The following TMEM178A variants were observed in gnomAD, a reference collection of about 807,000 sequenced individuals.
The protein encoded by TMEM178A is transmembrane protein 178.
TMEM178A carries 12 observed loss-of-function variants against 29.1 expected under a neutral mutation model. That is an observed-to-expected ratio of 0.41 (90% CI 0.26 to 0.67). TMEM178A has a LOEUF of 0.67. Ranked by LOEUF, TMEM178A falls within the 30% of genes least tolerant of loss-of-function variation. The pLI is 0.29. For synonymous variants in TMEM178A, 210 were observed against 187.2 expected, an observed-to-expected ratio of 1.12 and a Z score of -0.99; for missense variants, 366 against 419.1, an observed-to-expected ratio of 0.87 and a Z score of 1.11.
In TMEM178A at chr2:39,669,696, A is replaced by G. The variant is rs527775360; in HGVS notation, c.400+3322A>G. ...CCTTTGCTATTCTACCAGACTGACA[A>G]ATAAAACAAAATATTTGCCAGCATA... On this transcript the variant is annotated intron_variant, in intron 1 of 3. Coordinates refer to ENST00000281961, the MANE Select transcript of TMEM178A (RefSeq NM_152390.3). Among the ~76,000 whole-genome samples the G allele has an allele frequency of 3.3e-5, 5 of 152,338 alleles. No homozygotes were observed. In the South Asian group the frequency reaches 1.0e-3, roughly 32 times the overall value.
chr2:39,735,419 T>C, the TMEM178A span, among the ~76,000 whole-genome samples: 3 of 152,244 alleles, frequency 2.0e-5, no homozygotes, highest in African/African-American at 2.4e-5. Context: ...CAAAAGCAGA[T>C]AGCCCGCCTC....
At chr2:39,702,431 C>T (rs779567779) in intron 1 of TMEM178A, among the ~76,000 whole-genome samples, 20 of 152,226 alleles carry the variant, frequency 1.3e-4, no homozygotes, top group Non-Finnish European at 1.3e-4. Context: ...TCACTTCCTG[C>T]TTACAGAGCC....
the TMEM178A span, among the ~76,000 whole-genome samples, chr2:39,724,863 C>T: frequency 6.6e-6 from 1 of 152,202 alleles, no homozygotes; most frequent in African/African-American, 2.4e-5. Context: ...ATCTATATTC[C>T]TGCAAACATG....
At chr2:39,702,071 CT>C (rs201458206) in intron 1 of TMEM178A, among the ~76,000 whole-genome samples, 147 of 148,468 alleles carry the variant, frequency 9.9e-4, no homozygotes, top group African/African-American at 3.2e-3. Flanking sequence ...CTATTGACTG[CT>C]TTTTTTTTTC....
the TMEM178A span, among the ~76,000 whole-genome samples, chr2:39,726,602 T>G: frequency 6.6e-6 from 1 of 152,156 alleles, no homozygotes; most frequent in African/African-American, 2.4e-5. Context: ...TTTGGCCCAG[T>G]GAATGAATTG....
At chr2:39,672,141 T>C (rs1209581608) in intron 1 of TMEM178A, among the ~76,000 whole-genome samples, 1 of 152,238 alleles carries the variant, frequency 6.6e-6, no homozygotes, top group Non-Finnish European at 1.5e-5. Flanking sequence ...GCTAACATCA[T>C]GAAGGTTATC....
At chr2:39,704,819 A>T (rs1288974367) in intron 2 of TMEM178A, among the ~76,000 whole-genome samples, 1 of 152,138 alleles carries the variant, frequency 6.6e-6, no homozygotes, top group African/African-American at 2.4e-5. Flanking sequence ...ACTACTGTGA[A>T]TTTTTTTGGT....
the TMEM178A span, among the ~76,000 whole-genome samples, chr2:39,730,557 T>G: frequency 6.6e-5 from 10 of 152,182 alleles, no homozygotes; most frequent in Admixed American, 2.6e-4. Context: ...GAAAGCTCCT[T>G]TCTCATGGTT....
In TMEM178A at chr2:39,717,416, G is replaced by A; in HGVS notation, c.*165G>A. 1.0e-6 allele frequency: 1 copy of A among 985,360 alleles called. No individual in the cohort carries two copies. The highest frequency in any genetic ancestry group is 1.9e-5 in the South Asian group (1 of 51,762). 61.0% of individuals were successfully genotyped at this position (985,360 alleles called of 1,614,324 possible). A position where few individuals can be genotyped will look rare whatever the true frequency, so the allele number is the denominator to read the frequency against. On this transcript the variant is annotated 3_prime_UTR_variant, in exon 4 of 4. Coordinates refer to ENST00000281961, the MANE Select transcript of TMEM178A (RefSeq NM_152390.3). ...TGCAAAACCTCCCAACCTTTCTAAG[G>A]ACAAGACTACTGTGGATTCAAGTGC...
Position 39,699,936 on chromosome 2 carries a change from C to T in TMEM178A, c.401-4145C>T, listed in dbSNP as rs117458808. 6.7e-4 allele frequency among the ~76,000 whole-genome samples: 102 copies of T among 152,146 alleles called. 1 individual carries two copies. In the East Asian group the frequency reaches 0.016, roughly 24 times the overall value. On this transcript the variant is annotated intron_variant, in intron 1 of 3. Coordinates refer to ENST00000281961, the MANE Select transcript of TMEM178A (RefSeq NM_152390.3). ...ATTTAGGAGTATATTACTTAATTTC[C>T]ACAAATTTGTGAATTTCCTAAATTT...
chr2:39,725,223 C>A, the TMEM178A span, among the ~76,000 whole-genome samples: 2 of 152,200 alleles, frequency 1.3e-5, no homozygotes, highest in South Asian at 4.2e-4. Context: ...GAACCCTATC[C>A]CAAACACCCC....
Position 39,712,868 on chromosome 2 carries a change from G to A in TMEM178A, c.653-4142G>A, listed in dbSNP as rs887110676. ...TTATTAATCCTTCCATACTCCTTTC[G>A]CATACCTTGCATTAATTAGATTGCT... On this transcript the variant is annotated intron_variant, in intron 3 of 3. Coordinates refer to ENST00000281961, the MANE Select transcript of TMEM178A (RefSeq NM_152390.3). Among the ~76,000 whole-genome samples, 6 of 152,224 alleles carry A rather than the reference G, an allele frequency of 3.9e-5. No individual in the cohort carries two copies. The South Asian group carries it at 8.3e-4, about 21-fold the overall frequency.
Position 39,717,361 on chromosome 2 carries a change from AG to A in TMEM178A, c.*111del. On this transcript the variant is annotated 3_prime_UTR_variant, in exon 4 of 4. Coordinates refer to ENST00000281961, the MANE Select transcript of TMEM178A (RefSeq NM_152390.3). The stretch of plus-strand genomic sequence containing the variant: ...TTTACATTCCAACCTGTTGCCTGCC[AG>A]CCCTTTCTGGATTACTGATAGAAAA... 4.2e-6 allele frequency: 6 copies of A among 1,444,508 alleles called. No homozygotes were observed. The highest frequency in any genetic ancestry group is 5.5e-6 in the Non-Finnish European group (6 of 1,084,980). The allele number at this position is 1,444,508 out of a possible 1,614,324, so 89.5% of individuals were successfully genotyped here. A position where few individuals can be genotyped will look rare whatever the true frequency, so the allele number is the denominator to read the frequency against.
chr2:39,700,835 A>T (rs1370434884), intron 1 of TMEM178A, among the ~76,000 whole-genome samples: 2 of 145,932 alleles, frequency 1.4e-5, no homozygotes, highest in African/African-American at 5.0e-5. Flanking sequence ...TTTACTACAT[A>T]TTTTTTTTTT....
rs1202982141 is a variant in TMEM178A at position 39,666,115 on chromosome 2, C to G, written c.141C>G (p.Arg47=). The G allele has an allele frequency of 6.4e-7, 1 of 1,553,896 alleles. No homozygotes were observed. The highest frequency in any genetic ancestry group is 8.7e-7 in the Non-Finnish European group (1 of 1,155,420). ...ACAAGGAGAGCTGCGAGCGCAGCCG[C>G]GCGGGCGCCGACCCCCCGGACCAGA... is the stretch of plus-strand genomic sequence containing the variant. ...RRHKESCERS[R]AGADPPDQKN... Residue 47 remains arginine (R), a synonymous_variant, in exon 1 of 4, where the codon CGC becomes CGG. Coordinates refer to ENST00000281961, the MANE Select transcript of TMEM178A (RefSeq NM_152390.3).
At chr2:39,716,582 G>A (rs1167482403) in intron 3 of TMEM178A, among the ~76,000 whole-genome samples, 2 of 152,148 alleles carry the variant, frequency 1.3e-5, no homozygotes, top group South Asian at 4.1e-4. Context: ...GTTGTATAAC[G>A]ATTACAACAG....
At position 39,701,314 on chromosome 2, in the gene TMEM178A, G is replaced by A. The variant is rs6754761; in HGVS notation, c.401-2767G>A. 3.0e-3 allele frequency among the ~76,000 whole-genome samples: 450 copies of A among 152,184 alleles called. 1 individual carries two copies. Among genetic ancestry groups the A allele is most frequent in the African/African-American group, 0.01 (434 of 41,552 alleles). Reference sequence around the variant, plus strand: ...CTAATTTCTGAAGGATAACTTTGATGCATATAGGATTCTTGGTTGACAGTC... The same window carrying A: ...CTAATTTCTGAAGGATAACTTTGATACATATAGGATTCTTGGTTGACAGTC... On this transcript the variant is annotated intron_variant, in intron 1 of 3. Transcript: ENST00000281961.
chr2:39,704,665 A>T (rs1054113654), intron 2 of TMEM178A, among the ~76,000 whole-genome samples: 1 of 152,218 alleles, frequency 6.6e-6, no homozygotes, highest in Non-Finnish European at 1.5e-5. Context: ...CTACATCTCA[A>T]TGAAAGGAAC....
chr2:39,686,112 C>T, intron 1 of TMEM178A, among the ~76,000 whole-genome samples: 1 of 152,176 alleles, frequency 6.6e-6, no homozygotes, highest in East Asian at 1.9e-4. Context: ...GGGTGCCAGT[C>T]CTCAGAGAGC....
Sources: gnomAD v4.1 joint callset for allele counts (sites outside exome capture counted in the v4.1 genomes callset) on GRCh38, gnomAD v4.1.1 for gene constraint, MANE v1.5 for transcripts, NCBI Gene and HGNC (gene_info 2026-07-23, HGNC 2026-07-21) for gene names.